The following TTC9C variants were observed in gnomAD, a reference collection of about 807,000 sequenced individuals.
TTC9C encodes the protein tetratricopeptide repeat domain 9C, also known as tetratricopeptide repeat protein 9C.
TTC9C carries 15 observed loss-of-function variants against 22.5 expected under a neutral mutation model. That is an observed-to-expected ratio of 0.67 (90% CI 0.45 to 1.03). TTC9C has a LOEUF of 1.03. Ranked by LOEUF, TTC9C falls within the 50% of genes least tolerant of loss-of-function variation. TTC9C has a pLI of 0.00. For synonymous variants in TTC9C, 92 were observed against 86.8 expected (o/e 1.06, Z -0.33); for missense variants, 244 against 214.6 (o/e 1.14, Z -0.86).
chr11:62,732,430 G>A (rs1436877020), intron 1 of TTC9C, among the ~76,000 whole-genome samples: 3 of 151,864 alleles, frequency 2.0e-5, no homozygotes, highest in African/African-American at 4.8e-5. Flanking sequence ...CCAACATGGA[G>A]AAACCCATCT....
chr11:62,737,367 A>C (rs1463283529), intron 2 of TTC9C, among the ~76,000 whole-genome samples: 1 of 152,182 alleles, frequency 6.6e-6, no homozygotes, highest in Non-Finnish European at 1.5e-5. Context: ...ATGACCTAGA[A>C]AAAGGGCAGT....
chr11:62,735,783 T>A, intron 2 of TTC9C: 1 of 720,966 alleles, frequency 1.4e-6, no homozygotes, highest in Non-Finnish European at 2.0e-6. Flanking sequence ...GTTTCATGTG[T>A]AGGGGGTTGA....
intron 1 of TTC9C, among the ~76,000 whole-genome samples, chr11:62,733,432 A>C (rs1009222275): frequency 6.6e-6 from 1 of 151,986 alleles, no homozygotes; most frequent in Non-Finnish European, 1.5e-5. Context: ...TAAACAAGAC[A>C]GTGTATATCA....
intron 1 of TTC9C, among the ~76,000 whole-genome samples, chr11:62,734,169 G>T (rs918010320): frequency 6.6e-6 from 1 of 151,310 alleles, no homozygotes; most frequent in Non-Finnish European, 1.5e-5. Flanking sequence ...ATGGTGATGT[G>T]TGCCTGTAAT....
intron 1 of TTC9C, among the ~76,000 whole-genome samples, chr11:62,729,463 G>A (rs1482018004): frequency 2.6e-5 from 4 of 151,438 alleles, no homozygotes; most frequent in African/African-American, 7.3e-5. Flanking sequence ...CACTGGCGCG[G>A]TCTGGGCTCA....
intron 1 of TTC9C, chr11:62,733,009 T>G: frequency 3.1e-6 from 1 of 327,554 alleles, no homozygotes; most frequent in South Asian, 4.0e-5. Context: ...GTGGGGATGT[T>G]GTAGAAGGGA....
intron 1 of TTC9C, among the ~76,000 whole-genome samples, chr11:62,733,992 CA>C (rs1160671901): frequency 6.7e-6 from 1 of 149,634 alleles, no homozygotes; most frequent in East Asian, 2.0e-4. Context: ...ACCTCCATCT[CA>C]AAAAATAATA....
intron 1 of TTC9C, among the ~76,000 whole-genome samples, chr11:62,733,928 G>T (rs563205019): frequency 8.5e-5 from 13 of 152,110 alleles, no homozygotes; most frequent in Admixed American, 5.2e-4. Flanking sequence ...GGAGGCAGAG[G>T]TTGCGATGAG....
At chr11:62,737,234 TGGAATA>T (rs1207578168) in intron 2 of TTC9C, among the ~76,000 whole-genome samples, 1 of 152,000 alleles carries the variant, frequency 6.6e-6, no homozygotes, top group Admixed American at 6.6e-5. Flanking sequence ...AAACAGTGAT[TGGAATA>T]GGATGTGTGA....
chr11:62,732,197 G>A lies in TTC9C; in HGVS notation c.238+3111G>A, dbSNP rs552584029. ...TTTTTAGTAGAGACGGGGTTTTACC[G>A]TGTTAGCCAGGATGGTCTCGATCTC... On this transcript the variant is annotated intron_variant, in intron 1 of 2. Transcript: ENST00000316461. Among the ~76,000 whole-genome samples the A allele has an allele frequency of 4.9e-3, 717 of 146,474 alleles. 3 individuals carry two copies. The highest frequency in any genetic ancestry group is 7.8e-3 in the Middle Eastern group (2 of 256).
upstream of TTC9C, chr11:62,728,143 A>C: frequency 5.7e-6 from 1 of 175,040 alleles, no homozygotes; most frequent in South Asian, 9.8e-5. Context: ...AATGCGCGCG[A>C]CCCTCAAGAT....
At position 62,735,396 on chromosome 11, in the gene TTC9C, A is replaced by G. The variant is rs2083899098; in HGVS notation, c.253A>G (p.Met85Val). Residue 85 changes from methionine to valine, a missense_variant, in exon 2 of 3, where the codon ATG becomes GTG. Met to Val is a conservative substitution (Grantham distance 21). Transcript: ENST00000316461. The part of the protein sequence containing the change: ...YNNLAACLLQ[M>V]EPVNYERVRE... ...TGGCCCATTAGCTTGTCTCCTTCAG[A>G]TGGAGCCCGTGAACTACGAACGAGT... The G allele has an allele frequency of 1.2e-6, 2 of 1,613,926 alleles. No homozygotes were observed. Among genetic ancestry groups the G allele is most frequent in the Admixed American group, 3.3e-5 (2 of 59,976 alleles).
intron 1 of TTC9C, among the ~76,000 whole-genome samples, chr11:62,734,319 C>T (rs2083886440): frequency 6.6e-6 from 1 of 151,016 alleles, no homozygotes; most frequent in Non-Finnish European, 1.5e-5. Context: ...TAGGGTCTCA[C>T]CTGGGCATAG....
At chr11:62,733,016 G>A in intron 1 of TTC9C, 1 of 366,930 alleles carries the variant, frequency 2.7e-6, no homozygotes, top group South Asian at 3.3e-5. Flanking sequence ...TGTTGTAGAA[G>A]GGATACAGAC....
At position 62,729,079 on chromosome 11, in the gene TTC9C, T is replaced by A; in HGVS notation, c.231T>A (p.Asn77Lys). ...LHTTQTDCYN[N>K]LAACLLQMEP... ...CCACCCAGACAGACTGCTATAACAA[T>A]CTAGCTGGTAAGAACGGGGCTAAAG... Residue 77 changes from asparagine (N) to lysine (K), a missense_variant, in exon 1 of 3, where the codon AAT (asparagine) becomes AAA (lysine). Coordinates refer to ENST00000316461, the MANE Select transcript of TTC9C (RefSeq NM_173810.4). 1.2e-6 allele frequency: 2 copies of A among 1,613,660 alleles called. No individual in the cohort carries two copies. Among genetic ancestry groups the A allele is most frequent in the South Asian group, 1.1e-5 (1 of 91,062 alleles).
intron 2 of TTC9C, among the ~76,000 whole-genome samples, chr11:62,737,704 A>G (rs1426293017): frequency 6.6e-6 from 1 of 152,200 alleles, no homozygotes; most frequent in Non-Finnish European, 1.5e-5. Context: ...TATTTTAATG[A>G]TAACTGCTTC....
At chr11:62,730,571 C>T (rs2083836722) in intron 1 of TTC9C, among the ~76,000 whole-genome samples, 2 of 152,014 alleles carry the variant, frequency 1.3e-5, no homozygotes, top group Non-Finnish European at 2.9e-5. Flanking sequence ...CCAGCACCAA[C>T]TAGCTCTTTT....
At position 62,728,641 on chromosome 11, in the gene TTC9C, ACTT is replaced by A; in HGVS notation, c.-204_-202del. ...ATCCCTTTCCTTACTACTTGCCTGC[ACTT>A]CTTGAGAAAAAGACTGCAGAAAGGA... On this transcript the variant is annotated 5_prime_UTR_variant, in exon 1 of 3. The change creates a premature stop within an existing upstream ORF in the 5' untranslated region. Transcript: ENST00000316461. 1 of 687,788 alleles carries A rather than the reference ACTT, an allele frequency of 1.5e-6. No homozygotes were observed. The highest frequency in any genetic ancestry group is 1.5e-5 in the South Asian group (1 of 66,632). The allele number at this position is 687,788 out of a possible 1,614,324, so 42.6% of individuals were successfully genotyped here. A position where few individuals can be genotyped will look rare whatever the true frequency, so the allele number is the denominator to read the frequency against.
intron 1 of TTC9C, among the ~76,000 whole-genome samples, chr11:62,732,554 G>A (rs1318542548): frequency 6.7e-6 from 1 of 149,060 alleles, no homozygotes; most frequent in Non-Finnish European, 1.5e-5. Flanking sequence ...AGGTTGTGGT[G>A]AACCAAGATC....
Sources: gnomAD v4.1 joint callset for allele counts (sites outside exome capture counted in the v4.1 genomes callset) on GRCh38, gnomAD v4.1.1 for gene constraint, MANE v1.5 for transcripts, NCBI Gene and HGNC (gene_info 2026-07-23, HGNC 2026-07-21) for gene names.